Variants in ZBTB24 observed in about 807,000 individuals in gnomAD.
The protein encoded by ZBTB24 is zinc finger and BTB domain containing 24, also known as zinc finger and BTB domain-containing protein 24.
ZBTB24 carries 32 observed loss-of-function variants against 53.8 expected under a neutral mutation model. That is an observed-to-expected ratio of 0.60 (90% CI 0.45 to 0.80). ZBTB24 has a LOEUF of 0.80. ZBTB24 is among the 30% of genes least tolerant of loss of function. The pLI, the probability that ZBTB24 is intolerant of heterozygous loss-of-function variation, is 0.00. For synonymous variants in ZBTB24, 297 were observed against 306.7 expected (o/e 0.97, Z 0.33); for missense variants, 722 against 837.1 (o/e 0.86, Z 1.70).
intron 4 of ZBTB24, 78 bp downstream of exon 4, chr6:109,476,097 A>G: frequency 6.6e-7 from 1 of 1,521,934 alleles, no homozygotes; most frequent in Non-Finnish European, 9.1e-7. Flanking sequence ...GAGCAGAACA[A>G]TATAAACCTA....
intron 2 of ZBTB24, among the ~76,000 whole-genome samples, chr6:109,478,712 T>C (rs1776331978): frequency 6.6e-6 from 1 of 151,598 alleles, no homozygotes; most frequent in Non-Finnish European, 1.5e-5. Context: ...ATACAGGCTC[T>C]CTCCACACAT....
intron 5 of ZBTB24, among the ~76,000 whole-genome samples, chr6:109,468,335 T>C (rs1582670658): frequency 6.6e-6 from 1 of 152,086 alleles, no homozygotes; most frequent in East Asian, 1.9e-4. Flanking sequence ...ATGCTTGGGC[T>C]GCAAATGTTC....
chr6:109,480,578 T>C (rs924478182), intron 2 of ZBTB24, among the ~76,000 whole-genome samples: 4 of 151,832 alleles, frequency 2.6e-5, no homozygotes, highest in African/African-American at 7.3e-5. Flanking sequence ...TATTTAAAGC[T>C]AGATAGCTGA....
In ZBTB24 at chr6:109,466,262, A is replaced by G. The variant is rs369925142; in HGVS notation, c.1683T>C (p.His561=). ...TAGGACCGGGCATGAAATTGATGTT[A>G]TGTACAGAATCGGTTACGAGAAGCT... ...EIQLLVTDSV[H]NINFMPGPSQ... The change falls in exon 7 of 7, where the codon CAT becomes CAC. Residue 561 remains histidine, a synonymous_variant. Coordinates refer to ENST00000230122, the MANE Select transcript of ZBTB24 (RefSeq NM_014797.3). 6.2e-7 allele frequency: 1 copy of G among 1,614,230 alleles called. No homozygotes were observed. The highest frequency in any genetic ancestry group is 1.7e-5 in the Admixed American group (1 of 60,028).
chr6:109,481,675 C>T lies in ZBTB24; in HGVS notation c.352G>A (p.Val118Ile), dbSNP rs1776419519. 2.5e-6 allele frequency: 4 copies of T among 1,614,090 alleles called. No individual in the cohort carries two copies. The highest frequency in any genetic ancestry group is 3.4e-6 in the Non-Finnish European group (4 of 1,180,046). ...QILATAQFLKVYDLVKAYTDF... is the reference protein window; with the variant it reads ...QILATAQFLKIYDLVKAYTDF... ...GTGTAAGCCTTTACCAGGTCATAGA[C>T]TTTTAAGAACTGAGCAGTAGCCAGG... The change falls in exon 2 of 7, where the codon GTC (valine) becomes ATC (isoleucine). Residue 118 changes from valine (V) to isoleucine (I), a missense_variant. Transcript: ENST00000230122.
chr6:109,467,952 A>T (rs1776087199), intron 5 of ZBTB24, among the ~76,000 whole-genome samples: 1 of 152,178 alleles, frequency 6.6e-6, no homozygotes, highest in Non-Finnish European at 1.5e-5. Context: ...GCATACACAG[A>T]AATCGTAAGG....
Position 109,465,055 on chromosome 6 carries a change from T to G in ZBTB24, c.*796A>C, listed in dbSNP as rs1224383762. 6.6e-6 allele frequency: 1 copy of G among 152,208 alleles called. No individual in the cohort carries two copies. The highest frequency in any genetic ancestry group is 1.5e-5 in the Non-Finnish European group (1 of 68,052). The allele number at this position is 152,208 out of a possible 1,614,324, so 9.4% of individuals were successfully genotyped here. A position where few individuals can be genotyped will look rare whatever the true frequency, so the allele number is the denominator to read the frequency against. On this transcript the variant is annotated 3_prime_UTR_variant, in exon 7 of 7. Transcript: ENST00000230122. ...ATCAAATCTCTTTTCTGACAAAAAT[T>G]CAGAATTTAGGGTGAATGTCTTGAT...
chr6:109,465,694 C>T lies in ZBTB24; in HGVS notation c.*157G>A, dbSNP rs530804822. 7 of 1,601,366 alleles carry T rather than the reference C, an allele frequency of 4.4e-6. No homozygotes were observed. Among genetic ancestry groups the T allele is most frequent in the Admixed American group, 1.7e-5 (1 of 59,252 alleles). On this transcript the variant is annotated 3_prime_UTR_variant, in exon 7 of 7. Coordinates refer to ENST00000230122, the MANE Select transcript of ZBTB24 (RefSeq NM_014797.3). Reference sequence around the variant, plus strand: ...ACAAGACATACACACATCTTGCTACCTGGATGGAGGGCATTATAAACATCA... The same window carrying T: ...ACAAGACATACACACATCTTGCTACTTGGATGGAGGGCATTATAAACATCA...
Position 109,465,725 on chromosome 6 carries a change from C to G in ZBTB24, c.*126G>C, listed in dbSNP as rs1315382004. 1.2e-6 allele frequency: 2 copies of G among 1,608,992 alleles called. No homozygotes were observed. The highest frequency in any genetic ancestry group is 4.5e-5 in the East Asian group (2 of 44,888). On this transcript the variant is annotated 3_prime_UTR_variant, in exon 7 of 7. Transcript: ENST00000230122. ...GGAGGGCATTATAAACATCAGTTAG[C>G]CATCACAGCTCTCACAGAAGCATCT...
intron 5 of ZBTB24, among the ~76,000 whole-genome samples, chr6:109,470,873 C>T (rs1291565300): frequency 2.6e-5 from 4 of 152,264 alleles, no homozygotes; most frequent in East Asian, 1.9e-4. Context: ...CAATGCATGC[C>T]GTTTGTCACA....
intron 5 of ZBTB24, among the ~76,000 whole-genome samples, chr6:109,474,362 T>G (rs963679608): frequency 6.6e-6 from 1 of 152,134 alleles, no homozygotes; most frequent in Non-Finnish European, 1.5e-5. Flanking sequence ...TAAGTGTTGG[T>G]TCTAGGGGAG....
At chr6:109,472,279 T>G (rs535979144) in intron 5 of ZBTB24, among the ~76,000 whole-genome samples, 1 of 152,278 alleles carries the variant, frequency 6.6e-6, no homozygotes, top group East Asian at 1.9e-4. Flanking sequence ...CCCAATTTTT[T>G]GATAGGTTCA....
chr6:109,467,934 T>A (rs1776086703), intron 5 of ZBTB24, among the ~76,000 whole-genome samples, 200 bp from the exon 6 acceptor site: 1 of 152,064 alleles, frequency 6.6e-6, no homozygotes, highest in African/African-American at 2.4e-5. Flanking sequence ...GTGTGCCGAG[T>A]GCCAAGAGCA....
At chr6:109,472,040 A>G (rs1776178029) in intron 5 of ZBTB24, among the ~76,000 whole-genome samples, 1 of 152,138 alleles carries the variant, frequency 6.6e-6, no homozygotes, top group Non-Finnish European at 1.5e-5. Flanking sequence ...AGGACATCTA[A>G]CCCAGAGAGT....
At position 109,462,930 on chromosome 6, in the gene ZBTB24, C is replaced by T. The variant is rs2115349890; in HGVS notation, c.*2921G>A. 6.6e-6 allele frequency: 1 copy of T among 152,348 alleles called. No individual in the cohort carries two copies. Among genetic ancestry groups the T allele is most frequent in the East Asian group, 1.9e-4 (1 of 5,196 alleles). The allele number at this position is 152,348 out of a possible 1,614,324, so 9.4% of individuals were successfully genotyped here. A position where few individuals can be genotyped will look rare whatever the true frequency, so the allele number is the denominator to read the frequency against. On this transcript the variant is annotated 3_prime_UTR_variant, in exon 7 of 7. Coordinates refer to ENST00000230122, the MANE Select transcript of ZBTB24 (RefSeq NM_014797.3). ...AAACACTGCACTAGCAACATCATTT[C>T]TCAAGGACACATGAGAAGTACTTTC... is the stretch of plus-strand genomic sequence containing the variant.
chr6:109,481,340 C>G lies in ZBTB24; in HGVS notation c.687G>C (p.Glu229Asp). The G allele has an allele frequency of 6.2e-7, 1 of 1,614,186 alleles. No homozygotes were observed. Among genetic ancestry groups the G allele is most frequent in the South Asian group, 1.1e-5 (1 of 91,084 alleles). Residue 229 changes from glutamate to aspartate, a missense_variant, in exon 2 of 7, where the codon GAG becomes GAC. Coordinates refer to ENST00000230122, the MANE Select transcript of ZBTB24 (RefSeq NM_014797.3). ...SEPTCEPSRE[E>D]EMPVEKDENY... ...TCTCATCTTTTTCAACTGGCATTTCCTCCTCTCTACTTGGCTCACAAGTAG... is the reference window on the plus strand; with the variant it reads ...TCTCATCTTTTTCAACTGGCATTTCGTCCTCTCTACTTGGCTCACAAGTAG...
At position 109,466,465 on chromosome 6, in the gene ZBTB24, C is replaced by T. The variant is rs1333976942; in HGVS notation, c.1480G>A (p.Glu494Lys). The T allele has an allele frequency of 1.9e-6, 3 of 1,614,194 alleles. No homozygotes were observed. The highest frequency in any genetic ancestry group is 2.5e-6 in the Non-Finnish European group (3 of 1,180,038). Residue 494 changes from glutamate (E) to lysine (K), a missense_variant, in exon 7 of 7, where the codon GAG (glutamate) becomes AAG (lysine). Physicochemically the swap from Glu to Lys is moderately conservative, Grantham distance 56. Coordinates refer to ENST00000230122, the MANE Select transcript of ZBTB24 (RefSeq NM_014797.3). ...HTGKKPFSCPECNLQFARLDN... is the reference protein window; with the variant it reads ...HTGKKPFSCPKCNLQFARLDN... ...AAGCGAGCAAACTGTAAGTTACACT[C>T]AGGGCAGGAGAAAGGCTTCTTGCCA...
chr6:109,467,817 A>G (rs1489517059), intron 5 of ZBTB24, 83 bp from the exon 6 acceptor site: 5 of 1,477,590 alleles, frequency 3.4e-6, no homozygotes, highest in East Asian at 2.4e-5. Flanking sequence ...CAAAATTAAA[A>G]AAACACTTCG....
intron 2 of ZBTB24, among the ~76,000 whole-genome samples, chr6:109,479,871 G>A (rs531677487): frequency 8.9e-5 from 12 of 134,254 alleles, no homozygotes; most frequent in Admixed American, 8.9e-5. Context: ...AGCCGAGATC[G>A]CGCCACTGCA....
Sources: gnomAD v4.1 joint callset for allele counts (sites outside exome capture counted in the v4.1 genomes callset) on GRCh38, gnomAD v4.1.1 for gene constraint, MANE v1.5 for transcripts, NCBI Gene and HGNC (gene_info 2026-07-23, HGNC 2026-07-21) for gene names.